The following SPOCK1 variants were observed in gnomAD, a reference collection of about 807,000 sequenced individuals.
The protein encoded by SPOCK1 is SPARC (osteonectin), cwcv and kazal like domains proteoglycan 1.
In SPOCK1, 23 loss-of-function variants were observed where a neutral mutation model predicts 55.3. That is an observed-to-expected ratio of 0.42 (90% CI 0.30 to 0.59). The LOEUF is 0.59. SPOCK1 is among the 20% of genes least tolerant of loss of function. The pLI is 0.22. For synonymous variants in SPOCK1, 226 were observed against 221.0 expected, an observed-to-expected ratio of 1.02 and a Z score of -0.20; for missense variants, 499 against 552.5, an observed-to-expected ratio of 0.90 and a Z score of 0.97.
At chr5:137,203,032 G>T (rs1298284339) in intron 3 of SPOCK1, among the ~76,000 whole-genome samples, 1 of 152,112 alleles carries the variant, frequency 6.6e-6, no homozygotes. Context: ...GCCAAGGTTT[G>T]GGTTATTCTA....
At chr5:137,039,009 T>C (rs1173454447) in intron 6 of SPOCK1, among the ~76,000 whole-genome samples, 1 of 152,144 alleles carries the variant, frequency 6.6e-6, no homozygotes, top group Non-Finnish European at 1.5e-5. Flanking sequence ...GACCTTCCTA[T>C]TGCTAATAAC....
At chr5:137,465,233 C>T (rs1048877863) in intron 2 of SPOCK1, among the ~76,000 whole-genome samples, 1 of 152,070 alleles carries the variant, frequency 6.6e-6, no homozygotes, top group Non-Finnish European at 1.5e-5. Context: ...AAGAGACTAC[C>T]AAATCAAACA....
At chr5:137,423,065 G>T (rs1752536590) in intron 2 of SPOCK1, among the ~76,000 whole-genome samples, 1 of 152,342 alleles carries the variant, frequency 6.6e-6, no homozygotes, top group Admixed American at 6.5e-5. Flanking sequence ...GACCCTGTTT[G>T]CCTGGGTATC....
chr5:137,410,176 G>C (rs1159385586), intron 2 of SPOCK1, among the ~76,000 whole-genome samples: 1 of 152,164 alleles, frequency 6.6e-6, no homozygotes, highest in Admixed American at 6.5e-5. Context: ...TTATTATCAT[G>C]CTCCTGATAT....
At chr5:137,405,526 A>C (rs1458185315) in intron 2 of SPOCK1, among the ~76,000 whole-genome samples, 1 of 152,024 alleles carries the variant, frequency 6.6e-6, no homozygotes, top group Non-Finnish European at 1.5e-5. Context: ...TCACCGTCCC[A>C]CCTCTGTCAC....
At chr5:137,364,366 A>C (rs2127167667) in intron 2 of SPOCK1, among the ~76,000 whole-genome samples, 1 of 152,284 alleles carries the variant, frequency 6.6e-6, no homozygotes, top group South Asian at 2.1e-4. Flanking sequence ...TAACACTCAA[A>C]TTACGAGTGA....
At chr5:137,477,103 A>C (rs1269033843) in intron 2 of SPOCK1, among the ~76,000 whole-genome samples, 1 of 152,226 alleles carries the variant, frequency 6.6e-6, no homozygotes, top group Non-Finnish European at 1.5e-5. Context: ...AGCCTTATTT[A>C]AATAAATTAT....
intron 2 of SPOCK1, among the ~76,000 whole-genome samples, chr5:137,361,792 C>T (rs1347522110): frequency 6.6e-6 from 1 of 152,060 alleles, no homozygotes; most frequent in Non-Finnish European, 1.5e-5. Context: ...AAAACTTGTC[C>T]TCACATTTTA....
chr5:136,992,735 C>T, intron 6 of SPOCK1, 135 bp from the exon 7 acceptor site: 1 of 607,122 alleles, frequency 1.6e-6, no homozygotes, highest in East Asian at 2.9e-5. Context: ...ACGTGGAAAA[C>T]ACCCCAAAGA....
intron 6 of SPOCK1, among the ~76,000 whole-genome samples, chr5:137,052,677 T>C (rs1752228084): frequency 1.3e-5 from 2 of 152,220 alleles, no homozygotes; most frequent in African/African-American, 2.4e-5. Flanking sequence ...TTTTATAGAA[T>C]TGAACACCAT....
chr5:137,112,311 C>T, intron 5 of SPOCK1, 124 bp downstream of exon 5: 1 of 1,209,492 alleles, frequency 8.3e-7, no homozygotes, highest in Non-Finnish European at 1.1e-6. Context: ...GCTAATGCAG[C>T]AGCTTCTCAA....
chr5:137,403,879 G>T (rs996190203), intron 2 of SPOCK1, among the ~76,000 whole-genome samples: 1 of 152,104 alleles, frequency 6.6e-6, no homozygotes, highest in African/African-American at 2.4e-5. Context: ...GGGAAATGGG[G>T]GCCCATAGCA....
intron 2 of SPOCK1, among the ~76,000 whole-genome samples, chr5:137,451,926 A>G (rs1005756668): frequency 5.3e-5 from 8 of 152,218 alleles, no homozygotes; most frequent in South Asian, 4.1e-4. Flanking sequence ...CTTATCTAAA[A>G]TGCTTGGGAC....
chr5:137,018,172 C>T (rs1489091459), intron 6 of SPOCK1, among the ~76,000 whole-genome samples: 1 of 152,188 alleles, frequency 6.6e-6, no homozygotes, highest in Non-Finnish European at 1.5e-5. Context: ...TCTTATAATG[C>T]ACAGATCAGC....
chr5:137,086,399 C>T (rs1033428953), intron 5 of SPOCK1, among the ~76,000 whole-genome samples: 5 of 152,186 alleles, frequency 3.3e-5, no homozygotes, highest in Admixed American at 6.5e-5. Flanking sequence ...CAAAGGCAGC[C>T]CAGGGCTGAG....
intron 3 of SPOCK1, among the ~76,000 whole-genome samples, chr5:137,148,403 T>C (rs1754246189): frequency 6.6e-6 from 1 of 152,146 alleles, no homozygotes; most frequent in Admixed American, 6.6e-5. Context: ...TGTCATAAAA[T>C]CAACAACCAC....
chr5:137,132,013 TATATATAA>T (rs1207027656), intron 4 of SPOCK1, among the ~76,000 whole-genome samples: 23 of 57,434 alleles, frequency 4.0e-4, no homozygotes, highest in African/African-American at 1.1e-3. Context: ...TATATATATA[TATATATAA>T]AAAATTAGCT....
chr5:137,470,923 A>T (rs184636794), intron 2 of SPOCK1, among the ~76,000 whole-genome samples: 1 of 152,192 alleles, frequency 6.6e-6, no homozygotes, highest in Non-Finnish European at 1.5e-5. Flanking sequence ...CTTGGGCAAC[A>T]TGGTTAGTGT....
At chr5:137,071,372 G>C (rs1299822654) in intron 5 of SPOCK1, among the ~76,000 whole-genome samples, 1 of 152,154 alleles carries the variant, frequency 6.6e-6, no homozygotes. Context: ...TTTAAAAACT[G>C]GCAGGGGAGG....
Sources: allele counts gnomAD v4.1 joint callset (sites outside exome capture counted in the v4.1 genomes callset), GRCh38; gene constraint gnomAD v4.1.1; transcripts MANE v1.5; gene names NCBI Gene and HGNC (gene_info 2026-07-23, HGNC 2026-07-21).